NR1H4: variants seen among roughly 807,000 people sequenced by gnomAD.
NR1H4 encodes the protein bile acid receptor.
In NR1H4, 23 loss-of-function variants were observed where a neutral mutation model predicts 58.5. That is an observed-to-expected ratio of 0.39 (90% CI 0.28 to 0.56). The LOEUF is 0.56. NR1H4 is among the 20% of genes least tolerant of loss of function. NR1H4 has a pLI of 0.58. For synonymous variants in NR1H4, 214 were observed against 198.0 expected, an observed-to-expected ratio of 1.08 and a Z score of -0.68; for missense variants, 487 against 576.9, an observed-to-expected ratio of 0.84 and a Z score of 1.60.
chr12:100,474,346 C>A (rs760641423), intron 1 of NR1H4, among the ~76,000 whole-genome samples: 1 of 152,156 alleles, frequency 6.6e-6, no homozygotes. Flanking sequence ...GGAGATAGTG[C>A]ATTTCAGAAA....
intron 4 of NR1H4, among the ~76,000 whole-genome samples, chr12:100,529,656 C>T (rs1255541239): frequency 6.6e-6 from 1 of 152,136 alleles, no homozygotes; most frequent in African/African-American, 2.4e-5. Context: ...TGTCTTTCCT[C>T]CCTCATGGTC....
chr12:100,475,652 C>G (rs1193081846), intron 1 of NR1H4, among the ~76,000 whole-genome samples: 1 of 152,206 alleles, frequency 6.6e-6, no homozygotes, highest in Non-Finnish European at 1.5e-5. Context: ...AACTTTTCTA[C>G]AATGTCTACT....
rs1001982086 is a variant in NR1H4 at position 100,548,191 on chromosome 12, C to T, written c.1078+7373C>T. On this transcript the variant is annotated intron_variant, in intron 9 of 10. Transcript: ENST00000392986. ...GACCATCCTGGCTAACATGGTGAAACCCCGTCTCTACTAAAAATATAAAAA... is the reference window on the plus strand; with the variant it reads ...GACCATCCTGGCTAACATGGTGAAATCCCGTCTCTACTAAAAATATAAAAA... Among the ~76,000 whole-genome samples the T allele has an allele frequency of 5.5e-4, 83 of 149,946 alleles. 1 individual carries two copies. The highest frequency in any genetic ancestry group is 1.5e-4 in the Non-Finnish European group (10 of 67,280).
chr12:100,536,762 A>C, intron 7 of NR1H4, 152 bp downstream of exon 7: 1 of 678,666 alleles, frequency 1.5e-6, no homozygotes, highest in East Asian at 2.7e-5. Context: ...AGCAACATTA[A>C]ACAATTCAAG....
chr12:100,531,182 G>A (rs1031615602), intron 4 of NR1H4, among the ~76,000 whole-genome samples: 10 of 152,318 alleles, frequency 6.6e-5, no homozygotes, highest in African/African-American at 1.9e-4. Context: ...GAGGCTGGGC[G>A]TGGTGGCTCA....
chr12:100,537,553 C>T (rs1299899615), intron 8 of NR1H4, among the ~76,000 whole-genome samples: 1 of 152,162 alleles, frequency 6.6e-6, no homozygotes, highest in Non-Finnish European at 1.5e-5. Context: ...ACACGAAGTG[C>T]TGTTTGAACA....
At chr12:100,510,607 T>A (rs930324224) in intron 3 of NR1H4, among the ~76,000 whole-genome samples, 171 bp from the exon 4 acceptor site, 134 of 133,686 alleles carry the variant, frequency 1.0e-3, no homozygotes, top group Non-Finnish European at 1.2e-3. Context: ...TCATTTAATT[T>A]TATATATATA....
At chr12:100,560,711 G>T (rs977615586) in intron 9 of NR1H4, among the ~76,000 whole-genome samples, 1 of 152,360 alleles carries the variant, frequency 6.6e-6, no homozygotes, top group Non-Finnish European at 1.5e-5. Context: ...CCAATACGTG[G>T]ATAGGGATAG....
At chr12:100,549,775 A>C (rs1955163769) in intron 9 of NR1H4, among the ~76,000 whole-genome samples, 1 of 152,196 alleles carries the variant, frequency 6.6e-6, no homozygotes. Flanking sequence ...CCAAACTCAC[A>C]TGCTGCTGCA....
chr12:100,503,747 C>T (rs1439337172), intron 3 of NR1H4, among the ~76,000 whole-genome samples: 1 of 152,154 alleles, frequency 6.6e-6, no homozygotes, highest in African/African-American at 2.4e-5. Flanking sequence ...GTCAAATTAT[C>T]ACTATTCTTC....
In NR1H4 at chr12:100,534,757, A is replaced by G; in HGVS notation, c.599-133A>G. On this transcript the variant is annotated intron_variant, in intron 5 of 10. Coordinates refer to ENST00000392986, the MANE Select transcript of NR1H4 (RefSeq NM_001206979.2). ...CCTTGGCCTTCCCTTTCTAAAATGC[A>G]TAAAAGGCTAGCGTTAGTTCTGTGC... is the stretch of plus-strand genomic sequence containing the variant. 3.0e-6 allele frequency: 3 copies of G among 1,003,622 alleles called. No homozygotes were observed. The South Asian group carries it at 4.1e-5, about 14-fold the overall frequency. 62.2% of individuals were successfully genotyped at this position (1,003,622 alleles called of 1,614,324 possible).
chr12:100,496,171 A>G (rs1953711120), intron 3 of NR1H4, among the ~76,000 whole-genome samples: 1 of 152,248 alleles, frequency 6.6e-6, no homozygotes, highest in Admixed American at 6.5e-5. Context: ...AGAATAGGAC[A>G]GGCAAGATCC....
chr12:100,527,691 C>T (rs1270049456), intron 4 of NR1H4, among the ~76,000 whole-genome samples: 1 of 152,182 alleles, frequency 6.6e-6, no homozygotes, highest in African/African-American at 2.4e-5. Context: ...GTTCCCCTTC[C>T]TGTGTGCATG....
rs1206817325 is a variant in NR1H4 at position 100,540,743 on chromosome 12, C to T, written c.1003C>T (p.Arg335Cys). Residue 335 changes from arginine to cysteine, a missense_variant, in exon 9 of 11, where the codon CGT (arginine) becomes TGT (cysteine). Arg to Cys is a radical substitution (Grantham distance 180). Transcript: ENST00000392986. ...KGSAVEAMFL[R>C]SAEIFNKKLP... ...GTCTGCGGTTGAAGCTATGTTCCTT[C>T]GTTCAGCTGAGATTTTCAATAAGAA... 27 of 1,613,990 alleles carry T rather than the reference C, an allele frequency of 1.7e-5. No homozygotes were observed. Among genetic ancestry groups the T allele is most frequent in the East Asian group, 2.2e-5 (1 of 44,884 alleles).
At chr12:100,520,807 T>G (rs1260600453) in intron 4 of NR1H4, among the ~76,000 whole-genome samples, 2 of 152,188 alleles carry the variant, frequency 1.3e-5, no homozygotes, top group Non-Finnish European at 2.9e-5. Context: ...TCCACCATGT[T>G]AGCTGCGAAG....
intron 9 of NR1H4, among the ~76,000 whole-genome samples, chr12:100,558,773 AGTGGCCGAG>A (rs2136314744): frequency 1.3e-5 from 2 of 152,340 alleles, no homozygotes; most frequent in East Asian, 3.9e-4. Context: ...GGGAACTACA[AGTGGCCGAG>A]GTGGCTAGAG....
chr12:100,554,392 A>AACACACAC (rs60582622), intron 9 of NR1H4, among the ~76,000 whole-genome samples: 16,371 of 147,972 alleles, frequency 0.11, 1,463 homozygotes, highest in East Asian at 0.34. Flanking sequence ...ACTTGTAAAT[A>AACACACAC]ACACACACAC....
chr12:100,539,433 C>A (rs1954887082), intron 8 of NR1H4, among the ~76,000 whole-genome samples: 1 of 152,152 alleles, frequency 6.6e-6, no homozygotes, highest in Non-Finnish European at 1.5e-5. Context: ...GGCAATAAGA[C>A]AGGGCCCCTT....
At chr12:100,524,137 G>A (rs1444559588) in intron 4 of NR1H4, among the ~76,000 whole-genome samples, 2 of 152,036 alleles carry the variant, frequency 1.3e-5, no homozygotes, top group African/African-American at 2.4e-5. Flanking sequence ...AATGTTTAAA[G>A]CAAACATATA....
Sources: gnomAD v4.1 joint callset for allele counts (sites outside exome capture counted in the v4.1 genomes callset) on GRCh38, gnomAD v4.1.1 for gene constraint, MANE v1.5 for transcripts, NCBI Gene and HGNC (gene_info 2026-07-23, HGNC 2026-07-21) for gene names.